Variants in ATP9B observed in about 807,000 individuals in gnomAD.
ATP9B encodes probable phospholipid-transporting ATPase IIB.
In ATP9B, 110 loss-of-function variants were observed where a neutral mutation model predicts 146.1. The ratio of observed to expected loss-of-function variants is 0.75; its 90% CI spans 0.65 to 0.88. The LOEUF (loss-of-function observed/expected upper bound fraction) is 0.88, where lower values mean the gene tolerates loss of function less well. Ranked by LOEUF, ATP9B falls within the 40% of genes least tolerant of loss-of-function variation. The pLI is 0.00. For missense variants in ATP9B, 1,499 were observed against 1,496.4 expected, an observed-to-expected ratio of 1.00 and a Z score of -0.03; for synonymous variants, 604 against 569.7, an observed-to-expected ratio of 1.06 and a Z score of -0.86.
intron 15 of ATP9B, among the ~76,000 whole-genome samples, chr18:79,308,439 C>T (rs1442705054): frequency 1.3e-5 from 2 of 152,196 alleles, no homozygotes; most frequent in South Asian, 2.1e-4. Context: ...TCTGTTCGCA[C>T]ACATGGAGCA....
At chr18:79,071,055 T>C (rs1483578895) in intron 1 of ATP9B, among the ~76,000 whole-genome samples, 3 of 150,018 alleles carry the variant, frequency 2.0e-5, no homozygotes, top group Non-Finnish European at 4.4e-5. Context: ...GTTTCTTTTT[T>C]TTTTTTTTTT....
chr18:79,333,328 C>T (rs1230533217), intron 17 of ATP9B, among the ~76,000 whole-genome samples: 1 of 152,242 alleles, frequency 6.6e-6, no homozygotes, highest in African/African-American at 2.4e-5. Context: ...ATGTCCACCC[C>T]AAGGGCTGGC....
At chr18:79,135,498 C>T (rs2094436904) in intron 5 of ATP9B, among the ~76,000 whole-genome samples, 1 of 152,194 alleles carries the variant, frequency 6.6e-6, no homozygotes, top group Non-Finnish European at 1.5e-5. Context: ...CTAGTTTTGG[C>T]TCCTGTAGCC....
chr18:79,092,597 T>C (rs2074423484), intron 1 of ATP9B, among the ~76,000 whole-genome samples: 1 of 151,508 alleles, frequency 6.6e-6, no homozygotes, highest in Non-Finnish European at 1.5e-5. Context: ...ATTCTAATTC[T>C]ATATGCTTTT....
intron 13 of ATP9B, among the ~76,000 whole-genome samples, chr18:79,290,637 G>C (rs2096493865): frequency 6.6e-6 from 1 of 152,200 alleles, no homozygotes; most frequent in Non-Finnish European, 1.5e-5. Flanking sequence ...TGGGCCCACT[G>C]TCTGGCACTC....
chr18:79,296,910 C>T (rs560919839), intron 13 of ATP9B, among the ~76,000 whole-genome samples: 5 of 151,706 alleles, frequency 3.3e-5, no homozygotes, highest in African/African-American at 1.2e-4. Flanking sequence ...ACAGAGATGA[C>T]CCAGAGAGAA....
At chr18:79,131,189 A>G (rs1034939793) in intron 5 of ATP9B, among the ~76,000 whole-genome samples, 2 of 152,226 alleles carry the variant, frequency 1.3e-5, no homozygotes, top group Non-Finnish European at 2.9e-5. Flanking sequence ...AGACATTCAC[A>G]GATAAACAAA....
chr18:79,355,635 T>G (rs970354205), intron 25 of ATP9B, among the ~76,000 whole-genome samples: 1 of 149,324 alleles, frequency 6.7e-6, no homozygotes, highest in Non-Finnish European at 1.5e-5. Context: ...GTTTGTGCCG[T>G]GGGAGCCCCG....
At chr18:79,212,456 C>T (rs2095593205) in intron 10 of ATP9B, among the ~76,000 whole-genome samples, 1 of 152,192 alleles carries the variant, frequency 6.6e-6, no homozygotes, top group Non-Finnish European at 1.5e-5. Flanking sequence ...CGGTTTCTAG[C>T]TTGATTAATT....
chr18:79,207,406 G>C (rs2095544649), intron 10 of ATP9B, among the ~76,000 whole-genome samples: 1 of 152,254 alleles, frequency 6.6e-6, no homozygotes, highest in Non-Finnish European at 1.5e-5. Flanking sequence ...CAGGAGGAGA[G>C]TGGCTGAAGT....
At chr18:79,247,135 C>T (rs1348481715) in intron 11 of ATP9B, among the ~76,000 whole-genome samples, 1 of 152,204 alleles carries the variant, frequency 6.6e-6, no homozygotes, top group African/African-American at 2.4e-5. Flanking sequence ...TAACTTACTA[C>T]TTACCTTCCA....
At chr18:79,377,162 G>C (rs2097107526) in intron 29 of ATP9B, 85 bp from the exon 30 acceptor site, 2 of 1,516,204 alleles carry the variant, frequency 1.3e-6, no homozygotes, top group Non-Finnish European at 1.8e-6. Context: ...ACCGTCTGGT[G>C]GCCTGGCCAG....
At chr18:79,271,216 T>C (rs1318523800) in intron 12 of ATP9B, among the ~76,000 whole-genome samples, 1 of 152,214 alleles carries the variant, frequency 6.6e-6, no homozygotes, top group Non-Finnish European at 1.5e-5. Flanking sequence ...TGACTTTCTG[T>C]AATACTTTGC....
At position 79,159,961 on chromosome 18, in the gene ATP9B, G is replaced by A. The variant is rs8094547; in HGVS notation, c.778+5406G>A. ...TGGGAGGTAGGTGGCACACTCAAAA[G>A]GTTCCATCGATCTCTGCCTGTTGAT... On this transcript the variant is annotated intron_variant, in intron 7 of 29. Transcript: ENST00000426216. 6.7e-3 allele frequency among the ~76,000 whole-genome samples: 1,014 copies of A among 152,202 alleles called. 11 individuals carry two copies. Among genetic ancestry groups the A allele is most frequent in the African/African-American group, 0.023 (972 of 41,500 alleles).
intron 5 of ATP9B, among the ~76,000 whole-genome samples, chr18:79,137,704 T>C (rs1032904925): frequency 1.3e-5 from 2 of 152,232 alleles, no homozygotes; most frequent in Non-Finnish European, 2.9e-5. Context: ...AGCCTCTGCA[T>C]GCTCTTAGAT....
intron 15 of ATP9B, among the ~76,000 whole-genome samples, chr18:79,310,818 A>T (rs1411133254): frequency 6.6e-6 from 1 of 152,052 alleles, no homozygotes; most frequent in African/African-American, 2.4e-5. Flanking sequence ...AAAAATACTT[A>T]TCTTTTTATA....
At chr18:79,342,187 G>A in intron 19 of ATP9B, 81 bp from the exon 20 acceptor site, 1 of 1,107,466 alleles carries the variant, frequency 9.0e-7, no homozygotes, top group South Asian at 1.3e-5. Flanking sequence ...TCCACCTTTT[G>A]GCTGTTGTGA....
chr18:79,231,780 A>ATG (rs1389541336), intron 11 of ATP9B, among the ~76,000 whole-genome samples: 1 of 80,996 alleles, frequency 1.2e-5, no homozygotes, highest in Non-Finnish European at 2.8e-5. Context: ...GTGTGTGTGT[A>ATG]TATATATATA....
At chr18:79,231,029 GAC>G (rs1297161633) in intron 11 of ATP9B, among the ~76,000 whole-genome samples, 1 of 152,168 alleles carries the variant, frequency 6.6e-6, no homozygotes, top group African/African-American at 2.4e-5. Flanking sequence ...TTAAGTCTAA[GAC>G]CTGAAACCAT....
Sources: allele counts gnomAD v4.1 joint callset (sites outside exome capture counted in the v4.1 genomes callset), GRCh38; gene constraint gnomAD v4.1.1; transcripts MANE v1.5; gene names NCBI Gene and HGNC (gene_info 2026-07-23, HGNC 2026-07-21).